Variants in VLDLR observed in about 807,000 individuals in gnomAD.
The protein encoded by VLDLR is very low density lipoprotein receptor.
VLDLR carries 81 observed loss-of-function variants against 112.7 expected under a neutral mutation model. The ratio of observed to expected loss-of-function variants is 0.72; its 90% CI spans 0.60 to 0.86. The LOEUF is 0.86. Ranked by LOEUF, VLDLR falls within the 40% of genes least tolerant of loss-of-function variation. VLDLR has a pLI of 0.00. For synonymous variants in VLDLR, 436 were observed against 384.8 expected (o/e 1.13, Z -1.56); for missense variants, 1,237 against 1,099.4 (o/e 1.13, Z -1.77).
Position 2,622,193 on chromosome 9 carries a change from G to A in VLDLR, c.4G>A (p.Gly2Ser), listed in dbSNP as rs1345860060. Residue 2 changes from glycine to serine, a missense_variant, in exon 1 of 19, where the codon GGC (glycine) becomes AGC (serine). Gly to Ser is a moderately conservative substitution (Grantham distance 56). Coordinates refer to ENST00000382100, the MANE Select transcript of VLDLR (RefSeq NM_003383.5). M[G>S]TSALWALWLL... ...CGGCACCATCCAGGCGGGCACCATG[G>A]GCACGTCCGCGCTCTGGGCGCTCTG... 2 of 1,497,834 alleles carry A rather than the reference G, an allele frequency of 1.3e-6. No homozygotes were observed. Among genetic ancestry groups the A allele is most frequent in the East Asian group, 2.7e-5 (1 of 37,082 alleles). 92.8% of individuals were successfully genotyped at this position (1,497,834 alleles called of 1,614,324 possible). A position where few individuals can be genotyped will look rare whatever the true frequency, so the allele number is the denominator to read the frequency against.
chr9:2,647,619 C>G, intron 12 of VLDLR, 27 bp downstream of exon 12: 1 of 1,560,026 alleles, frequency 6.4e-7, no homozygotes, highest in Non-Finnish European at 8.8e-7. Context: ...TTCTCGACCA[C>G]CCACTCAACT....
At position 2,658,760 on chromosome 9, in the gene VLDLR, G is replaced by T. The variant is rs1291736063; in HGVS notation, c.*4892G>T. On this transcript the variant is annotated 3_prime_UTR_variant, in exon 19 of 19. Transcript: ENST00000382100. ...TACTGAATATCACATCAATGCTAGG[G>T]CTGTATTTACTGTCACACACAGGCA... The T allele has an allele frequency of 6.6e-6, 1 of 152,098 alleles. No homozygotes were observed. The highest frequency in any genetic ancestry group is 2.4e-5 in the African/African-American group (1 of 41,416). The allele number at this position is 152,098 out of a possible 1,614,324, so 9.4% of individuals were successfully genotyped here.
In VLDLR at chr9:2,655,261, G is replaced by C. The variant is rs1439451190; in HGVS notation, c.*1393G>C. 2 of 152,228 alleles carry C rather than the reference G, an allele frequency of 1.3e-5. No individual in the cohort carries two copies. 9.4% of individuals were successfully genotyped at this position (152,228 alleles called of 1,614,324 possible). ...TCTGGAACTTACAGTATGAAGAGCAGATGAGGAGTTTGAGACAAAGAAAAA... is the reference window on the plus strand; with the variant it reads ...TCTGGAACTTACAGTATGAAGAGCACATGAGGAGTTTGAGACAAAGAAAAA... On this transcript the variant is annotated 3_prime_UTR_variant, in exon 19 of 19. Coordinates refer to ENST00000382100, the MANE Select transcript of VLDLR (RefSeq NM_003383.5).
chr9:2,634,526 A>G (rs1817513656), intron 1 of VLDLR, among the ~76,000 whole-genome samples: 1 of 152,232 alleles, frequency 6.6e-6, no homozygotes, highest in Non-Finnish European at 1.5e-5. Context: ...GCACCTGAAC[A>G]TTAGCTGGCC....
At chr9:2,634,875 T>C (rs945662158) in intron 1 of VLDLR, among the ~76,000 whole-genome samples, 2 of 152,226 alleles carry the variant, frequency 1.3e-5, no homozygotes, top group Non-Finnish European at 2.9e-5. Context: ...GTGCTTGTAA[T>C]AGAAACATCA....
Position 2,656,942 on chromosome 9 carries a change from CAAAAAAAAAAAAAAAA to C in VLDLR, c.*3087_*3102del, listed in dbSNP as rs35624077. ...TCTTTAGTTCTTGATGAATACAAGG[CAAAAAAAAAAAAAAAA>C]AAAAAAAAAAAATTGAGGCTTTCAC... is the stretch of plus-strand genomic sequence containing the variant. On this transcript the variant is annotated 3_prime_UTR_variant, in exon 19 of 19. Coordinates refer to ENST00000382100, the MANE Select transcript of VLDLR (RefSeq NM_003383.5). The C allele has an allele frequency of 2.2e-4, 15 of 67,158 alleles. No individual in the cohort carries two copies. The highest frequency in any genetic ancestry group is 6.8e-4 in the African/African-American group (14 of 20,694). The allele number at this position is 67,158 out of a possible 1,614,324, so 4.2% of individuals were successfully genotyped here. A position where few individuals can be genotyped will look rare whatever the true frequency, so the allele number is the denominator to read the frequency against.
chr9:2,643,047 G>T, intron 4 of VLDLR, 113 bp from the exon 5 acceptor site: 1 of 1,507,250 alleles, frequency 6.6e-7, no homozygotes, highest in Non-Finnish European at 9.1e-7. Flanking sequence ...CCTTTAAGTT[G>T]GGCTAGTAAG....
intron 1 of VLDLR, among the ~76,000 whole-genome samples, chr9:2,630,981 A>G (rs1445370734): frequency 6.6e-6 from 1 of 152,236 alleles, no homozygotes. Context: ...GGAAAAAATA[A>G]TCCCATTAAA....
At chr9:2,650,272 T>A in intron 14 of VLDLR, 98 bp from the exon 15 acceptor site, 1 of 1,513,486 alleles carries the variant, frequency 6.6e-7, no homozygotes, top group Non-Finnish European at 9.1e-7. Flanking sequence ...GTTTAAGCTC[T>A]TGGGGGCAAG....
intron 1 of VLDLR, among the ~76,000 whole-genome samples, chr9:2,634,495 C>T (rs921437001): frequency 3.3e-5 from 5 of 152,206 alleles, no homozygotes; most frequent in Non-Finnish European, 7.3e-5. Context: ...GCCAGAAGGA[C>T]GGAACTGCTA....
chr9:2,651,976 C>G, intron 17 of VLDLR, 22 bp downstream of exon 17: 1 of 1,612,848 alleles, frequency 6.2e-7, no homozygotes, highest in Non-Finnish European at 8.5e-7. Flanking sequence ...TCCTACAAGT[C>G]TGGGTTCAAG....
intron 1 of VLDLR, among the ~76,000 whole-genome samples, chr9:2,624,902 T>C (rs972643029): frequency 1.1e-4 from 17 of 152,240 alleles, no homozygotes; most frequent in African/African-American, 4.1e-4. Flanking sequence ...TGGATCACCC[T>C]CTTGCCCACT....
Position 2,653,950 on chromosome 9 carries a change from T to C in VLDLR, c.*82T>C. ...GGTAACCGAGCCAGCAGCTGAAGTC[T>C]CTTTTTCTTCCTCTCGGCTGGAAGA... On this transcript the variant is annotated 3_prime_UTR_variant, in exon 19 of 19. Coordinates refer to ENST00000382100, the MANE Select transcript of VLDLR (RefSeq NM_003383.5). The C allele has an allele frequency of 2.1e-6, 3 of 1,443,626 alleles. No individual in the cohort carries two copies. Among genetic ancestry groups the C allele is most frequent in the Non-Finnish European group, 2.9e-6 (3 of 1,025,830 alleles). The allele number at this position is 1,443,626 out of a possible 1,614,324, so 89.4% of individuals were successfully genotyped here.
Position 2,658,326 on chromosome 9 carries a change from C to CTAA in VLDLR, c.*4460_*4462dup, listed in dbSNP as rs1408213309. The CTAA allele has an allele frequency of 6.6e-6, 1 of 152,158 alleles. No individual in the cohort carries two copies. Among genetic ancestry groups the CTAA allele is most frequent in the African/African-American group, 2.4e-5 (1 of 41,434 alleles). The allele number at this position is 152,158 out of a possible 1,614,324, so 9.4% of individuals were successfully genotyped here. ...GTCCGTTTCACGTTTTTGAGCCTGG[C>CTAA]TAATGAGAAAAAGAACAAAGTAGGA... On this transcript the variant is annotated 3_prime_UTR_variant, in exon 19 of 19. Coordinates refer to ENST00000382100, the MANE Select transcript of VLDLR (RefSeq NM_003383.5).
At chr9:2,635,805 C>T (rs1563752257) in intron 2 of VLDLR, among the ~76,000 whole-genome samples, 1 of 152,082 alleles carries the variant, frequency 6.6e-6, no homozygotes, top group Non-Finnish European at 1.5e-5. Context: ...TATCTTAGAT[C>T]AGACAAACGT....
At position 2,644,462 on chromosome 9, in the gene VLDLR, C is replaced by G. The variant is rs182545852; in HGVS notation, c.1067-272C>G. 8.7e-4 allele frequency among the ~76,000 whole-genome samples: 132 copies of G among 151,910 alleles called. 1 individual carries two copies. In the East Asian group the frequency reaches 0.011, roughly 13 times the overall value. On this transcript the variant is annotated intron_variant, in intron 7 of 18. Transcript: ENST00000382100. ...GGGATTACAGGCATGAGCCACCGCG[C>G]CCGGCCCAAACTAGTTTATAGTTTA...
Position 2,645,700 on chromosome 9 carries a change from C to T in VLDLR, c.1439C>T (p.Ala480Val), listed in dbSNP as rs1818039437. The change falls in exon 10 of 19, where the codon GCC becomes GTC. Residue 480 changes from alanine (A) to valine (V), a missense_variant. Physicochemically the swap from Ala to Val is moderately conservative, Grantham distance 64. Coordinates refer to ENST00000382100, the MANE Select transcript of VLDLR (RefSeq NM_003383.5). The stretch of plus-strand genomic sequence containing the variant: ...GTGGCTCTCGATGCTGACATTGCTG[C>T]CCAGAAACTATTCTGGGCCGATCTA... ...NTVALDADIA[A>V]QKLFWADLSQ... The T allele has an allele frequency of 6.2e-7, 1 of 1,614,170 alleles. No individual in the cohort carries two copies. Among genetic ancestry groups the T allele is most frequent in the Non-Finnish European group, 8.5e-7 (1 of 1,180,030 alleles).
intron 1 of VLDLR, 26 bp downstream of exon 1, chr9:2,622,297 G>T: frequency 6.9e-7 from 1 of 1,453,002 alleles, no homozygotes; most frequent in Non-Finnish European, 9.0e-7. Flanking sequence ...CCCCTCCGCC[G>T]GCGGGCGGGA....
chr9:2,628,082 T>G (rs1817174602), intron 1 of VLDLR, among the ~76,000 whole-genome samples: 1 of 152,118 alleles, frequency 6.6e-6, no homozygotes, highest in African/African-American at 2.4e-5. Flanking sequence ...AATCAACTCA[T>G]GCACCCAAGA....
Sources: gnomAD v4.1 joint callset for allele counts (sites outside exome capture counted in the v4.1 genomes callset) on GRCh38, gnomAD v4.1.1 for gene constraint, MANE v1.5 for transcripts, NCBI Gene and HGNC (gene_info 2026-07-23, HGNC 2026-07-21) for gene names.